The following LDLRAD3 variants were observed in gnomAD, a reference collection of about 807,000 sequenced individuals.
LDLRAD3 encodes low-density lipoprotein receptor class A domain-containing protein 3.
A neutral mutation model predicts 29.4 loss-of-function variants in LDLRAD3; 20 were observed. The ratio of observed to expected loss-of-function variants is 0.68; its 90% CI spans 0.48 to 0.99. The LOEUF is 0.99. Among genes scored for constraint, LDLRAD3 ranks in the 50% least tolerant of loss-of-function variants. LDLRAD3 has a pLI of 0.00. For missense variants in LDLRAD3, 420 were observed against 454.3 expected (o/e 0.92, Z 0.69); for synonymous variants, 157 against 192.7 (o/e 0.81, Z 1.53).
At chr11:36,144,680 C>A (rs1279365738) in intron 4 of LDLRAD3, among the ~76,000 whole-genome samples, 1 of 118,944 alleles carries the variant, frequency 8.4e-6, no homozygotes, top group Non-Finnish European at 1.8e-5. Flanking sequence ...AAGTGAGGAG[C>A]CCCTCCGCCC....
At chr11:36,004,705 A>C (rs373382602) in intron 1 of LDLRAD3, among the ~76,000 whole-genome samples, 1 of 152,260 alleles carries the variant, frequency 6.6e-6, no homozygotes, top group African/African-American at 2.4e-5. Context: ...GAGGTTCTGC[A>C]TGAGGGCTCT....
chr11:36,141,474 C>T (rs1308174742), intron 4 of LDLRAD3, among the ~76,000 whole-genome samples: 1 of 152,122 alleles, frequency 6.6e-6, no homozygotes. Context: ...GAGACAGCTG[C>T]CTGAATGGAA....
At chr11:36,148,053 T>C (rs1259292650) in intron 4 of LDLRAD3, among the ~76,000 whole-genome samples, 2 of 152,102 alleles carry the variant, frequency 1.3e-5, no homozygotes, top group Non-Finnish European at 2.9e-5. Flanking sequence ...GTATTGTTAG[T>C]AGAGACGGGG....
At chr11:35,987,451 A>G (rs1851629157) in intron 1 of LDLRAD3, among the ~76,000 whole-genome samples, 1 of 152,100 alleles carries the variant, frequency 6.6e-6, no homozygotes, top group Non-Finnish European at 1.5e-5. Flanking sequence ...TGTTGTTGCC[A>G]TGTTTATGTC....
Position 36,229,366 on chromosome 11 carries a change from C to T in LDLRAD3, c.1007C>T (p.Ser336Phe), listed in dbSNP as rs1021214439. Residue 336 changes from serine (S) to phenylalanine (F), a missense_variant, in exon 6 of 6, where the codon TCT becomes TTT. By Grantham distance (155) the Ser-to-Phe change is radical. This residue lies in a region of LDLRAD3 where 140 missense variants were observed against 139.9 expected (regional missense o/e 1.00). Transcript: ENST00000315571. ...GAGGGCACTGCTGAGCCCAGGGACT[C>T]TGAGCCCAGCCAGGGCACTGAAGAA... ...PQEGTAEPRD[S>F]EPSQGTEEV 6.2e-7 allele frequency: 1 copy of T among 1,613,468 alleles called. No individual in the cohort carries two copies. Among genetic ancestry groups the T allele is most frequent in the Non-Finnish European group, 8.5e-7 (1 of 1,179,576 alleles).
At chr11:36,087,468 G>GTTAA (rs1024923975) in intron 3 of LDLRAD3, among the ~76,000 whole-genome samples, 3 of 152,142 alleles carry the variant, frequency 2.0e-5, no homozygotes, top group African/African-American at 7.2e-5. Flanking sequence ...GTTGATAATT[G>GTTAA]TTAAACCCAT....
At chr11:36,182,403 T>A (rs1199831056) in intron 4 of LDLRAD3, among the ~76,000 whole-genome samples, 1 of 152,082 alleles carries the variant, frequency 6.6e-6, no homozygotes, top group Middle Eastern at 3.2e-3. Context: ...AGAAAGGTAG[T>A]ATAGAGACTT....
chr11:36,159,040 G>A (rs537207061), intron 4 of LDLRAD3, among the ~76,000 whole-genome samples: 2 of 152,110 alleles, frequency 1.3e-5, no homozygotes, highest in Non-Finnish European at 2.9e-5. Flanking sequence ...AATTTTGTAC[G>A]TGTTGGCTGC....
At chr11:36,200,585 T>C (rs192244306) in intron 4 of LDLRAD3, among the ~76,000 whole-genome samples, 1 of 152,312 alleles carries the variant, frequency 6.6e-6, no homozygotes, top group East Asian at 1.9e-4. Context: ...ACTGCCAAGA[T>C]GGCAGGCCAT....
chr11:35,959,553 C>T (rs1851250208), intron 1 of LDLRAD3, among the ~76,000 whole-genome samples: 1 of 152,112 alleles, frequency 6.6e-6, no homozygotes, highest in Non-Finnish European at 1.5e-5. Flanking sequence ...AACAGTATAA[C>T]AAACAGTAGT....
intron 2 of LDLRAD3, among the ~76,000 whole-genome samples, chr11:36,058,953 C>G (rs1268083028): frequency 2.6e-5 from 4 of 152,222 alleles, no homozygotes; most frequent in African/African-American, 7.2e-5. Context: ...CACTCCTGTG[C>G]TAGTGTAAGG....
At chr11:36,019,153 C>T (rs768242097) in intron 1 of LDLRAD3, among the ~76,000 whole-genome samples, 3 of 152,116 alleles carry the variant, frequency 2.0e-5, no homozygotes, top group Non-Finnish European at 4.4e-5. Context: ...ATCATTTGTG[C>T]AGCACGGGGT....
chr11:36,167,744 A>G (rs998140548), intron 4 of LDLRAD3, among the ~76,000 whole-genome samples: 1 of 152,178 alleles, frequency 6.6e-6, no homozygotes, highest in African/African-American at 2.4e-5. Context: ...ATACATTTCT[A>G]TTGTTTTCAT....
intron 1 of LDLRAD3, among the ~76,000 whole-genome samples, chr11:36,035,406 T>C (rs541222713): frequency 2.0e-5 from 3 of 152,260 alleles, no homozygotes; most frequent in African/African-American, 4.8e-5. Context: ...GCTGTTCGGG[T>C]TGGGGGCTTT....
chr11:36,086,551 T>G (rs1178616071), intron 3 of LDLRAD3, among the ~76,000 whole-genome samples: 1 of 152,204 alleles, frequency 6.6e-6, no homozygotes, highest in Admixed American at 6.5e-5. Flanking sequence ...GAGTTCAGTC[T>G]TTGATGTGCT....
intron 1 of LDLRAD3, among the ~76,000 whole-genome samples, chr11:36,024,504 G>T (rs1238980304): frequency 1.3e-5 from 2 of 152,174 alleles, no homozygotes; most frequent in African/African-American, 4.8e-5. Context: ...GCTAGTTATG[G>T]TTATAAGAGA....
In LDLRAD3 at chr11:36,221,094, T is replaced by A. The variant is rs573854018; in HGVS notation, c.455-5991T>A. On this transcript the variant is annotated intron_variant, in intron 4 of 5. Transcript: ENST00000315571. The stretch of plus-strand genomic sequence containing the variant: ...CAGGCACGGTGGCTCACACCTGTAG[T>A]CCCAGCACTTTGGGATGCTGAGGTG... 9.2e-5 allele frequency among the ~76,000 whole-genome samples: 14 copies of A among 151,876 alleles called. No homozygotes were observed. In the East Asian group the frequency reaches 2.7e-3, roughly 29 times the overall value.
chr11:36,044,561 G>C (rs1017577722), intron 2 of LDLRAD3, among the ~76,000 whole-genome samples: 3 of 152,160 alleles, frequency 2.0e-5, no homozygotes, highest in South Asian at 4.1e-4. Context: ...CTTGCTCTTA[G>C]TTTGAGAGCC....
intron 4 of LDLRAD3, among the ~76,000 whole-genome samples, chr11:36,110,381 C>T (rs114662152): frequency 0.014 from 2,147 of 152,224 alleles, 49 homozygotes; most frequent in African/African-American, 0.049. Flanking sequence ...CGGTGAATGG[C>T]GGAGTCCATC....
Sources: gnomAD v4.1 joint callset for allele counts (sites outside exome capture counted in the v4.1 genomes callset) on GRCh38, gnomAD v4.1.1 for gene constraint, gnomAD v4.1.1 regional missense constraint, MANE v1.5 for transcripts, NCBI Gene and HGNC (gene_info 2026-07-23, HGNC 2026-07-21) for gene names.